ACMSD: variants seen among roughly 807,000 people sequenced by gnomAD.
The protein encoded by ACMSD is 2-amino-3-carboxymuconate-6-semialdehyde decarboxylase.
ACMSD carries 37 observed loss-of-function variants against 45.9 expected under a neutral mutation model. That is an observed-to-expected ratio of 0.81 (90% CI 0.62 to 1.06). ACMSD has a LOEUF of 1.06. ACMSD is among the 50% of genes least tolerant of loss of function. ACMSD has a pLI of 0.00. For synonymous variants in ACMSD, 138 were observed against 148.8 expected (o/e 0.93, Z 0.53); for missense variants, 434 against 420.9 (o/e 1.03, Z -0.27).
chr2:134,878,224 G>A (rs552612305), intron 8 of ACMSD, among the ~76,000 whole-genome samples: 1 of 152,338 alleles, frequency 6.6e-6, no homozygotes, highest in East Asian at 1.9e-4. Context: ...GAGCTTCAGA[G>A]GAGGTCACTA....
intron 1 of ACMSD, chr2:134,844,555 T>C (rs191453905): frequency 1.3e-5 from 2 of 153,118 alleles, no homozygotes; most frequent in Admixed American, 1.3e-4. Flanking sequence ...AGTGTATTTA[T>C]ATACAACTCC....
intron 8 of ACMSD, among the ~76,000 whole-genome samples, chr2:134,890,931 T>C (rs1689748681): frequency 1.3e-5 from 2 of 152,044 alleles, no homozygotes; most frequent in Non-Finnish European, 1.5e-5. Context: ...AACCATAACA[T>C]ATCTGTATAA....
chr2:134,871,033 A>T lies in ACMSD; in HGVS notation c.649A>T (p.Lys217Ter). Reference sequence around the variant, plus strand: ...GGGTGGAGTATTTGAGAAGTTTCCCAAACTGAAAGTGTGTTTCGCACATGG... The same window carrying T: ...GGGTGGAGTATTTGAGAAGTTTCCCTAACTGAAAGTGTGTTTCGCACATGG... ...IMGGVFEKFP[K>*]LKVCFAHGGG... Residue 217 changes from lysine to a stop codon, truncating the protein, a stop_gained, in exon 7 of 10, where the codon AAA becomes TAA. Coordinates refer to ENST00000356140, the MANE Select transcript of ACMSD (RefSeq NM_138326.3). LOFTEE classifies it high-confidence loss of function. 6.2e-7 allele frequency: 1 copy of T among 1,614,132 alleles called. No homozygotes were observed. The highest frequency in any genetic ancestry group is 8.5e-7 in the Non-Finnish European group (1 of 1,180,016).
chr2:134,873,499 C>T (rs1688572723), intron 8 of ACMSD: 1 of 152,064 alleles, frequency 6.6e-6, no homozygotes, highest in African/African-American at 2.4e-5. Flanking sequence ...AGTATATAGA[C>T]ATATTTAAAA....
chr2:134,867,541 A>G (rs1188265521), intron 5 of ACMSD, 38 bp from the exon 6 acceptor site: 2 of 1,548,936 alleles, frequency 1.3e-6, no homozygotes, highest in South Asian at 2.2e-5. Flanking sequence ...TCACTCATCA[A>G]AGTAACCCTC....
intron 8 of ACMSD, among the ~76,000 whole-genome samples, chr2:134,879,714 C>T (rs1012897707): frequency 1.3e-4 from 20 of 152,184 alleles, no homozygotes; most frequent in African/African-American, 4.6e-4. Flanking sequence ...CTTACACAAA[C>T]TTAACCCTAA....
chr2:134,872,789 T>G (rs1288408995), intron 8 of ACMSD, 148 bp downstream of exon 8: 2 of 908,920 alleles, frequency 2.2e-6, no homozygotes, highest in African/African-American at 3.3e-5. Flanking sequence ...GGGATTAGGT[T>G]TGCTCACACA....
chr2:134,847,478 A>G (rs1221911297), intron 2 of ACMSD, among the ~76,000 whole-genome samples: 1 of 152,192 alleles, frequency 6.6e-6, no homozygotes, highest in Non-Finnish European at 1.5e-5. Flanking sequence ...AGATATATAT[A>G]CTTTAAGTTC....
intron 5 of ACMSD, among the ~76,000 whole-genome samples, chr2:134,863,832 G>A (rs1013187966): frequency 2.0e-5 from 3 of 152,140 alleles, no homozygotes; most frequent in Non-Finnish European, 4.4e-5. Flanking sequence ...TGGTGGAAGG[G>A]TTCCTAGGCC....
intron 4 of ACMSD, among the ~76,000 whole-genome samples, chr2:134,862,369 T>G (rs970781755): frequency 6.6e-6 from 1 of 152,124 alleles, no homozygotes; most frequent in African/African-American, 2.4e-5. Flanking sequence ...ACGAGAATGA[T>G]TTTGAGGTAG....
rs759363194 is a variant in ACMSD, at chr2:134,898,376, A to G, written c.885A>G (p.Pro295=). ...KVILGTDYPF[P]LGELEPGKLI... is the part of the protein sequence containing the mutation. Reference sequence around the variant, plus strand: ...TTTTGGGAACCGATTACCCCTTTCCACTAGGTGAGCTGGAACCTGGGAAAC... The same window carrying G: ...TTTTGGGAACCGATTACCCCTTTCCGCTAGGTGAGCTGGAACCTGGGAAAC... Residue 295 remains proline, a synonymous_variant, in exon 9 of 10, where the codon CCA becomes CCG. Transcript: ENST00000356140. The G allele has an allele frequency of 4.4e-6, 7 of 1,602,412 alleles. No homozygotes were observed. In the East Asian group the frequency reaches 1.4e-4, roughly 31 times the overall value.
intron 2 of ACMSD, 62 bp from the exon 3 acceptor site, chr2:134,859,199 G>A: frequency 7.5e-7 from 1 of 1,338,764 alleles, no homozygotes; most frequent in Non-Finnish European, 1.1e-6. Flanking sequence ...TAAAGCACAT[G>A]AGGAAAGATT....
At chr2:134,887,726 G>A (rs1014205925) in intron 8 of ACMSD, among the ~76,000 whole-genome samples, 3 of 152,098 alleles carry the variant, frequency 2.0e-5, no homozygotes, top group African/African-American at 7.2e-5. Context: ...TCCTTATACG[G>A]TCAATTAATT....
chr2:134,842,653 T>C (rs886682310), intron 1 of ACMSD, among the ~76,000 whole-genome samples: 8 of 152,146 alleles, frequency 5.3e-5, no homozygotes, highest in Non-Finnish European at 8.8e-5. Flanking sequence ...ATCAGCATCA[T>C]TGTTAGCATG....
At chr2:134,840,194 C>T in intron 1 of ACMSD, among the ~76,000 whole-genome samples, 1 of 68,766 alleles carries the variant, frequency 1.5e-5, no homozygotes, top group South Asian at 5.9e-4. Flanking sequence ...AAAAAAAAAA[C>T]CACTAATTCC....
chr2:134,869,385 A>G (rs1213684075), intron 6 of ACMSD, among the ~76,000 whole-genome samples: 1 of 151,696 alleles, frequency 6.6e-6, no homozygotes, highest in East Asian at 1.9e-4. Flanking sequence ...GCTAATTTTT[A>G]TATTTTTAGT....
At chr2:134,844,608 G>C (rs1222111957) in intron 1 of ACMSD, 1 of 154,156 alleles carries the variant, frequency 6.5e-6, no homozygotes, top group Non-Finnish European at 1.4e-5. Context: ...GGATGCAGGG[G>C]GCTAATTTCT....
intron 9 of ACMSD, 116 bp from the exon 10 acceptor site, chr2:134,901,682 G>A (rs1200401502): frequency 2.7e-5 from 16 of 584,104 alleles, no homozygotes; most frequent in Non-Finnish European, 4.4e-5. Context: ...TGTATAACCT[G>A]CTAGTATTTT....
At chr2:134,849,652 T>G (rs1687237278) in intron 2 of ACMSD, among the ~76,000 whole-genome samples, 3 of 152,218 alleles carry the variant, frequency 2.0e-5, no homozygotes, top group Admixed American at 6.5e-5. Context: ...TTCTTAACTC[T>G]TGGTTTTTCA....
Sources: allele counts gnomAD v4.1 joint callset (sites outside exome capture counted in the v4.1 genomes callset), GRCh38; gene constraint gnomAD v4.1.1; transcripts MANE v1.5; gene names NCBI Gene and HGNC (gene_info 2026-07-23, HGNC 2026-07-21).